Variants in TOP1 observed in about 807,000 individuals in gnomAD.
TOP1 encodes DNA topoisomerase 1.
TOP1 carries 10 observed loss-of-function variants against 111.1 expected under a neutral mutation model. That is an observed-to-expected ratio of 0.09 (90% CI 0.06 to 0.15). The LOEUF is 0.15. Among genes scored for constraint, TOP1 ranks in the 10% least tolerant of loss-of-function variants. TOP1 has a pLI of 1.00. For missense variants in TOP1, 474 were observed against 926.7 expected (o/e 0.51, Z 6.34); for synonymous variants, 271 against 302.9 (o/e 0.89, Z 1.10).
At chr20:41,031,604 T>C (rs2033120554) in intron 2 of TOP1, among the ~76,000 whole-genome samples, 1 of 152,258 alleles carries the variant, frequency 6.6e-6, no homozygotes, top group Non-Finnish European at 1.5e-5. Context: ...ATCTCAGCTC[T>C]TTCCATGGAT....
At chr20:41,104,885 G>A (rs554238057) in intron 13 of TOP1, among the ~76,000 whole-genome samples, 8 of 152,242 alleles carry the variant, frequency 5.3e-5, no homozygotes, top group South Asian at 2.1e-4. Context: ...TATTGCCAGC[G>A]GAAGAAGCAT....
At chr20:41,062,905 T>C (rs1325079767) in intron 3 of TOP1, among the ~76,000 whole-genome samples, 3 of 152,228 alleles carry the variant, frequency 2.0e-5, no homozygotes, top group Non-Finnish European at 2.9e-5. Context: ...ATTAGAATTT[T>C]CTCTTTTCTT....
intron 8 of TOP1, among the ~76,000 whole-genome samples, chr20:41,090,818 T>G (rs2033911614): frequency 1.3e-5 from 2 of 152,238 alleles, no homozygotes; most frequent in Non-Finnish European, 2.9e-5. Flanking sequence ...AATTCATTTA[T>G]TCTTTTTGTT....
intron 2 of TOP1, among the ~76,000 whole-genome samples, chr20:41,040,075 C>T (rs1325935294): frequency 6.6e-6 from 1 of 152,124 alleles, no homozygotes; most frequent in Non-Finnish European, 1.5e-5. Flanking sequence ...TTAAAATCAC[C>T]ATCTTCACAT....
intron 2 of TOP1, among the ~76,000 whole-genome samples, chr20:41,040,094 A>G (rs1237322920): frequency 6.6e-6 from 1 of 152,250 alleles, no homozygotes; most frequent in Non-Finnish European, 1.5e-5. Context: ...ATATTTGAAG[A>G]ACTAAAATCT....
chr20:41,068,791 A>C (rs930791983), intron 3 of TOP1, among the ~76,000 whole-genome samples: 9 of 152,308 alleles, frequency 5.9e-5, no homozygotes, highest in Non-Finnish European at 1.3e-4. Context: ...ACCTTTCTTA[A>C]AGGGTTACAT....
Position 41,121,927 on chromosome 20 carries a change from C to T in TOP1, c.2046-79C>T. ...ATCTCTATACTAGGGCTTTTATTGA[C>T]TCAAAGTGGCAGGATGGGTACAGTG... On this transcript the variant is annotated intron_variant, in intron 19 of 20. Transcript: ENST00000361337. This position sits in a 1 kb window ranked among gnomAD's most constrained non-coding sequence, Gnocchi z 4.2. The T allele has an allele frequency of 6.3e-7, 1 of 1,576,016 alleles. No individual in the cohort carries two copies. Among genetic ancestry groups the T allele is most frequent in the Non-Finnish European group, 8.6e-7 (1 of 1,157,220 alleles).
intron 3 of TOP1, among the ~76,000 whole-genome samples, chr20:41,075,102 C>T (rs996413197): frequency 2.6e-5 from 4 of 151,874 alleles, no homozygotes; most frequent in African/African-American, 7.3e-5. Context: ...TTTGTTTGTT[C>T]GTTTTTGTTT....
chr20:41,039,370 C>T (rs141777260), intron 2 of TOP1, among the ~76,000 whole-genome samples: 4 of 152,252 alleles, frequency 2.6e-5, no homozygotes, highest in African/African-American at 4.8e-5. Flanking sequence ...AAGAGAGTGA[C>T]GTCTCCATTT....
chr20:41,080,667 A>C lies in TOP1; in HGVS notation c.431+487A>C, dbSNP rs2033778495. Reference sequence around the variant, plus strand: ...AATTATATTCATTATTTTCACTCTTATATAGCTTACTATGCTATTGTTATA... The same window carrying C: ...AATTATATTCATTATTTTCACTCTTCTATAGCTTACTATGCTATTGTTATA... On this transcript the variant is annotated intron_variant, in intron 6 of 20. Transcript: ENST00000361337. This position sits in a 1 kb window ranked among gnomAD's most constrained non-coding sequence, Gnocchi z 5.0. Among the ~76,000 whole-genome samples, 1 of 152,138 alleles carries C rather than the reference A, an allele frequency of 6.6e-6. No individual in the cohort carries two copies. The highest frequency in any genetic ancestry group is 1.5e-5 in the Non-Finnish European group (1 of 68,024).
At chr20:41,040,715 AG>A (rs2033252158) in intron 2 of TOP1, among the ~76,000 whole-genome samples, 1 of 150,972 alleles carries the variant, frequency 6.6e-6, no homozygotes, top group African/African-American at 2.4e-5. Flanking sequence ...CTGAAGCAGG[AG>A]AATCACTTGA....
Position 41,114,068 on chromosome 20 carries a change from G to C in TOP1, c.1551G>C (p.Glu517Asp). The C allele has an allele frequency of 6.2e-7, 1 of 1,614,210 alleles. No homozygotes were observed. The highest frequency in any genetic ancestry group is 8.5e-7 in the Non-Finnish European group (1 of 1,180,018). ...LRVEHINLHP[E>D]LDGQEYVVEF... Reference sequence around the variant, plus strand: ...TGGAGCACATCAATCTACACCCAGAGTTGGATGGTCAGGAATATGTGGTAG... The same window carrying C: ...TGGAGCACATCAATCTACACCCAGACTTGGATGGTCAGGAATATGTGGTAG... Residue 517 changes from glutamate (E) to aspartate (D), a missense_variant, in exon 15 of 21, where the codon GAG becomes GAC. Glu to Asp is a conservative substitution (Grantham distance 45). This residue lies in a region of TOP1 where 18 missense variants were observed against 16.4 expected (regional missense o/e 1.10). Transcript: ENST00000361337. The surrounding 1 kb of genome is among the most constrained non-coding windows in gnomAD (Gnocchi z 4.5).
chr20:41,029,487 C>T lies in TOP1; in HGVS notation c.58+32C>T, dbSNP rs757344343. 6.5e-7 allele frequency: 1 copy of T among 1,545,900 alleles called. No individual in the cohort carries two copies. The highest frequency in any genetic ancestry group is 8.7e-7 in the Non-Finnish European group (1 of 1,145,694). ...GTGCCCCCTGCGCCGACTCCGGGGC[C>T]CCCCAGCCGCCGGCCGCCTCCCCCG... On this transcript the variant is annotated intron_variant, in intron 2 of 20. Coordinates refer to ENST00000361337, the MANE Select transcript of TOP1 (RefSeq NM_003286.4). This position sits in a 1 kb window ranked among gnomAD's most constrained non-coding sequence, Gnocchi z 6.1.
chr20:41,032,253 C>T lies in TOP1; in HGVS notation c.58+2798C>T, dbSNP rs993750862. Among the ~76,000 whole-genome samples, 2 of 152,128 alleles carry T rather than the reference C, an allele frequency of 1.3e-5. No homozygotes were observed. The highest frequency in any genetic ancestry group is 2.9e-5 in the Non-Finnish European group (2 of 68,028). On this transcript the variant is annotated intron_variant, in intron 2 of 20. Transcript: ENST00000361337. The surrounding 1 kb of genome is among the most constrained non-coding windows in gnomAD (Gnocchi z 4.3). ...TATAAAAGATTCCCCCCCGTCCCCC[C>T]ACTTTGGAGCTCATTCTTCGCAATA...
rs545617416 is a variant in TOP1, at chr20:41,121,546, C to T, written c.1951-150C>T. 17 of 690,718 alleles carry T rather than the reference C, an allele frequency of 2.5e-5. No homozygotes were observed. The highest frequency in any genetic ancestry group is 8.3e-4 in the Middle Eastern group (2 of 2,414). 42.8% of individuals were successfully genotyped at this position (690,718 alleles called of 1,614,324 possible). A position where few individuals can be genotyped will look rare whatever the true frequency, so the allele number is the denominator to read the frequency against. Reference sequence around the variant, plus strand: ...ATTCACTAGTCCTTGTGCATCTTCTCCCTGCCTTCATGAAGCCACCCTTGT... The same window carrying T: ...ATTCACTAGTCCTTGTGCATCTTCTTCCTGCCTTCATGAAGCCACCCTTGT... On this transcript the variant is annotated intron_variant, in intron 18 of 20. Transcript: ENST00000361337. This position sits in a 1 kb window ranked among gnomAD's most constrained non-coding sequence, Gnocchi z 4.2.
chr20:41,087,930 T>G (rs1160968675), intron 8 of TOP1, among the ~76,000 whole-genome samples: 1 of 152,034 alleles, frequency 6.6e-6, no homozygotes, highest in Non-Finnish European at 1.5e-5. Flanking sequence ...TGTTTTTGTT[T>G]GTTTATTTGT....
At chr20:41,104,358 A>G (rs2034111938) in intron 13 of TOP1, among the ~76,000 whole-genome samples, 1 of 152,228 alleles carries the variant, frequency 6.6e-6, no homozygotes, top group African/African-American at 2.4e-5. Flanking sequence ...GCTGTTGCAT[A>G]CTCCAGGCAA....
rs2033103112 is a variant in TOP1, at chr20:41,030,379, G to T, written c.58+924G>T. On this transcript the variant is annotated intron_variant, in intron 2 of 20. Transcript: ENST00000361337. This position sits in a 1 kb window ranked among gnomAD's most constrained non-coding sequence, Gnocchi z 4.1. ...GTTTGGGTTGTAAGGAGGAAAAAAAGATTTTATTTATTGAAGCAAAGAGTG... is the reference window on the plus strand; with the variant it reads ...GTTTGGGTTGTAAGGAGGAAAAAAATATTTTATTTATTGAAGCAAAGAGTG... Among the ~76,000 whole-genome samples the T allele has an allele frequency of 6.6e-6, 1 of 151,902 alleles. No individual in the cohort carries two copies. Among genetic ancestry groups the T allele is most frequent in the South Asian group, 2.1e-4 (1 of 4,818 alleles).
At position 41,114,290 on chromosome 20, in the gene TOP1, T is replaced by G; in HGVS notation, c.1638+135T>G. 1 of 721,474 alleles carries G rather than the reference T, an allele frequency of 1.4e-6. No homozygotes were observed. Among genetic ancestry groups the G allele is most frequent in the Non-Finnish European group, 2.3e-6 (1 of 429,276 alleles). 44.7% of individuals were successfully genotyped at this position (721,474 alleles called of 1,614,324 possible). A position where few individuals can be genotyped will look rare whatever the true frequency, so the allele number is the denominator to read the frequency against. On this transcript the variant is annotated intron_variant, in intron 15 of 20. Transcript: ENST00000361337. This position sits in a 1 kb window ranked among gnomAD's most constrained non-coding sequence, Gnocchi z 4.5. ...TGAGACAGGCAACATGGCACATGCC[T>G]GTAGACCCAGCTATTCAGAAGGCTG...
Sources: allele counts gnomAD v4.1 joint callset (sites outside exome capture counted in the v4.1 genomes callset), GRCh38; gene constraint gnomAD v4.1.1; regional missense constraint gnomAD v4.1.1; non-coding constraint Gnocchi (gnomAD v3.1); transcripts MANE v1.5; gene names NCBI Gene and HGNC (gene_info 2026-07-23, HGNC 2026-07-21).